Variants in RABGAP1L observed in about 807,000 individuals in gnomAD.
RABGAP1L encodes the protein RAB GTPase activating protein 1 like.
A neutral mutation model predicts 137.7 loss-of-function variants in RABGAP1L; 63 were observed. That is an observed-to-expected ratio of 0.46 (90% CI 0.37 to 0.56). The LOEUF is 0.56. RABGAP1L is among the 20% of genes least tolerant of loss of function. The pLI is 0.00. For missense variants in RABGAP1L, 1,095 were observed against 1,244.0 expected (o/e 0.88, Z 1.80); for synonymous variants, 431 against 433.7 (o/e 0.99, Z 0.08).
At chr1:174,535,180 T>C (rs1664803030) in intron 13 of RABGAP1L, among the ~76,000 whole-genome samples, 3 of 152,214 alleles carry the variant, frequency 2.0e-5, no homozygotes, top group Admixed American at 2.0e-4. Flanking sequence ...AAATTTTCTC[T>C]TTTGAAATGT....
At chr1:174,897,989 A>G (rs1037721614) in intron 19 of RABGAP1L, 1 of 151,854 alleles carries the variant, frequency 6.6e-6, no homozygotes, top group Non-Finnish European at 1.5e-5. Context: ...AAAAAAAAAA[A>G]AAAAAAAGAA....
intron 13 of RABGAP1L, among the ~76,000 whole-genome samples, chr1:174,559,185 T>C (rs1288482042): frequency 6.6e-6 from 1 of 152,238 alleles, no homozygotes; most frequent in East Asian, 1.9e-4. Context: ...ATTTTACTAA[T>C]ATGTTTTTGA....
intron 18 of RABGAP1L, among the ~76,000 whole-genome samples, chr1:174,770,826 G>A (rs1686060630): frequency 6.6e-6 from 1 of 151,978 alleles, no homozygotes; most frequent in Admixed American, 6.5e-5. Flanking sequence ...GCCTGTGATG[G>A]TTAGTTAGTT....
At chr1:174,969,466 GCTTTGTTCTTGA>G in intron 21 of RABGAP1L, 79 bp downstream of exon 21, 2 of 1,095,838 alleles carry the variant, frequency 1.8e-6, no homozygotes, top group South Asian at 2.7e-5. Context: ...CCACAAACTT[GCTTTGTTCTTGA>G]CTTTGTTCTT....
chr1:174,833,445 TAG>T (rs1308272258), intron 19 of RABGAP1L, among the ~76,000 whole-genome samples: 5 of 42,934 alleles, frequency 1.2e-4, no homozygotes, highest in Admixed American at 3.7e-4. Context: ...TGTGTGTGTG[TAG>T]AGATATATAT....
At chr1:174,837,442 A>G (rs1160183665) in intron 19 of RABGAP1L, among the ~76,000 whole-genome samples, 1 of 152,144 alleles carries the variant, frequency 6.6e-6, no homozygotes, top group Non-Finnish European at 1.5e-5. Context: ...AAATTATCAG[A>G]TTATTTTTAT....
intron 13 of RABGAP1L, among the ~76,000 whole-genome samples, chr1:174,631,703 C>G (rs1378771644): frequency 9.0e-6 from 1 of 111,616 alleles, no homozygotes; most frequent in Non-Finnish European, 1.8e-5. Flanking sequence ...TTATCAGAGA[C>G]TAGGATTGCA....
intron 19 of RABGAP1L, among the ~76,000 whole-genome samples, chr1:174,853,517 G>A (rs1024217498): frequency 2.0e-5 from 3 of 152,070 alleles, no homozygotes; most frequent in Non-Finnish European, 4.4e-5. Context: ...GGATCACAAG[G>A]TCAGGAGATC....
intron 19 of RABGAP1L, among the ~76,000 whole-genome samples, chr1:174,855,622 G>A (rs1649164162): frequency 2.0e-5 from 3 of 152,176 alleles, no homozygotes; most frequent in Non-Finnish European, 4.4e-5. Flanking sequence ...GGATCCTTAA[G>A]TAAGCATTCC....
At chr1:174,883,802 G>A (rs990887840) in intron 19 of RABGAP1L, among the ~76,000 whole-genome samples, 1 of 152,144 alleles carries the variant, frequency 6.6e-6, no homozygotes, top group East Asian at 1.9e-4. Flanking sequence ...TGTAAATAGA[G>A]ATTAGTCTAC....
chr1:174,928,117 G>A (rs1446877410), intron 19 of RABGAP1L, among the ~76,000 whole-genome samples: 2 of 152,052 alleles, frequency 1.3e-5, no homozygotes, highest in Non-Finnish European at 2.9e-5. Flanking sequence ...CCTTCTTGTT[G>A]CACTCTACTT....
At chr1:174,694,432 G>T (rs954147557) in intron 15 of RABGAP1L, among the ~76,000 whole-genome samples, 1 of 147,548 alleles carries the variant, frequency 6.8e-6, no homozygotes, top group Non-Finnish European at 1.5e-5. Flanking sequence ...TCCCACCTAT[G>T]AGGGAGAATA....
At chr1:174,388,253 TA>T (rs144633226) in intron 12 of RABGAP1L, among the ~76,000 whole-genome samples, 1 of 151,964 alleles carries the variant, frequency 6.6e-6, no homozygotes, top group South Asian at 2.1e-4. Context: ...ATCATTCTTT[TA>T]AAAAAGCAAA....
intron 13 of RABGAP1L, among the ~76,000 whole-genome samples, chr1:174,580,845 A>T (rs1251745624): frequency 2.6e-5 from 4 of 152,244 alleles, no homozygotes; most frequent in South Asian, 2.1e-4. Flanking sequence ...AATGTAACCC[A>T]ACTGAAAAAT....
intron 19 of RABGAP1L, among the ~76,000 whole-genome samples, chr1:174,920,233 G>A (rs1022734230): frequency 1.3e-5 from 2 of 152,336 alleles, no homozygotes; most frequent in Admixed American, 1.3e-4. Context: ...AGGTTTAATG[G>A]AGAAGTCACA....
chr1:174,164,377 T>C (rs948982505), intron 1 of RABGAP1L, among the ~76,000 whole-genome samples: 1 of 152,336 alleles, frequency 6.6e-6, no homozygotes, highest in Admixed American at 6.5e-5. Context: ...GGAGATTGTT[T>C]ACCTGAACAT....
intron 13 of RABGAP1L, among the ~76,000 whole-genome samples, chr1:174,478,898 T>C (rs976901917): frequency 1.3e-5 from 2 of 152,238 alleles, no homozygotes; most frequent in African/African-American, 4.8e-5. Flanking sequence ...TGAGTGTTTT[T>C]AAGTTTCCAA....
In RABGAP1L at chr1:174,253,221, A is replaced by G. The variant is rs1672857762; in HGVS notation, c.986+631A>G. On this transcript the variant is annotated intron_variant, in intron 7 of 25. Transcript: ENST00000681986. ...GAAAGCTACTGGATGGCTAAGAAAC[A>G]TATGTAAAGAGGTCCTGATTCACAA... Among the ~76,000 whole-genome samples the G allele has an allele frequency of 3.3e-5, 5 of 152,186 alleles. 1 individual carries two copies. The South Asian group carries it at 8.3e-4, about 25-fold the overall frequency.
intron 11 of RABGAP1L, among the ~76,000 whole-genome samples, chr1:174,320,282 C>G (rs1474896099): frequency 6.6e-6 from 1 of 152,134 alleles, no homozygotes; most frequent in African/African-American, 2.4e-5. Context: ...AACCAGTGAT[C>G]TATTTTCTGT....
Sources: allele counts gnomAD v4.1 joint callset (sites outside exome capture counted in the v4.1 genomes callset), GRCh38; gene constraint gnomAD v4.1.1; transcripts MANE v1.5; gene names NCBI Gene and HGNC (gene_info 2026-07-23, HGNC 2026-07-21).